Variants in EYS observed in about 807,000 individuals in gnomAD.
EYS encodes protein eyes shut homolog.
A neutral mutation model predicts 282.1 loss-of-function variants in EYS; 250 were observed. The ratio of observed to expected loss-of-function variants is 0.89; its 90% CI spans 0.80 to 0.98. The LOEUF (loss-of-function observed/expected upper bound fraction) is 0.98. Ranked by LOEUF, EYS falls within the 50% of genes least tolerant of loss-of-function variation. The pLI is 0.00. For missense variants in EYS, 4,016 were observed against 3,709.0 expected, an observed-to-expected ratio of 1.08 and a Z score of -2.15; for synonymous variants, 1,355 against 1,282.9, an observed-to-expected ratio of 1.06 and a Z score of -1.20.
intron 5 of EYS, among the ~76,000 whole-genome samples, chr6:65,437,487 T>C (rs1281971888): frequency 3.3e-5 from 5 of 152,158 alleles, no homozygotes. Context: ...GCCACAATTA[T>C]AATGGGAAAT....
intron 30 of EYS, among the ~76,000 whole-genome samples, chr6:64,280,338 T>C (rs1449482292): frequency 1.3e-5 from 2 of 152,110 alleles, no homozygotes; most frequent in Non-Finnish European, 2.9e-5. Flanking sequence ...TGACTTAACC[T>C]CACCTAGATA....
At chr6:64,862,810 T>C (rs1390225914) in intron 19 of EYS, among the ~76,000 whole-genome samples, 1 of 152,150 alleles carries the variant, frequency 6.6e-6, no homozygotes, top group African/African-American at 2.4e-5. Flanking sequence ...ATTTACATTG[T>C]TTCTGATAAG....
Position 63,984,488 on chromosome 6 carries a change from T to C in EYS, c.6950A>G (p.Lys2317Arg). The change falls in exon 35 of 43, where the codon AAA becomes AGA. Residue 2317 changes from lysine to arginine, a missense_variant. Coordinates refer to ENST00000503581, the MANE Select transcript of EYS (RefSeq NM_001142800.2). ...GCILDLQVNN[K>R]EFFIIDEARH... ...TGCTTCATCGATGATGAAGAATTCT[T>C]TGTTGTTTACTTGAAGGTCTAGAAT... 6.5e-7 allele frequency: 1 copy of C among 1,549,788 alleles called. No individual in the cohort carries two copies.
At chr6:64,332,662 A>G (rs1770691107) in intron 29 of EYS, among the ~76,000 whole-genome samples, 1 of 152,106 alleles carries the variant, frequency 6.6e-6, no homozygotes, top group South Asian at 2.1e-4. Context: ...ACTACTGACA[A>G]GGGCAACTGC....
chr6:65,070,428 C>T (rs1203174242), intron 12 of EYS, among the ~76,000 whole-genome samples: 2 of 151,882 alleles, frequency 1.3e-5, no homozygotes, highest in Non-Finnish European at 2.9e-5. Flanking sequence ...TTAGCAGTCA[C>T]TCACATGCAC....
intron 12 of EYS, among the ~76,000 whole-genome samples, chr6:65,214,158 CAAAAAAAAAAAAA>C (rs58213904): frequency 3.4e-5 from 1 of 29,242 alleles, no homozygotes; most frequent in African/African-American, 1.5e-4. Flanking sequence ...GACTCCGTCT[CAAAAAAAAAAAAA>C]AAAAAAAAAA....
At chr6:65,210,511 T>A (rs945518299) in intron 12 of EYS, among the ~76,000 whole-genome samples, 1 of 152,002 alleles carries the variant, frequency 6.6e-6, no homozygotes, top group Non-Finnish European at 1.5e-5. Flanking sequence ...TTTCAAACAA[T>A]TAAAACAAAG....
intron 2 of EYS, among the ~76,000 whole-genome samples, chr6:65,521,083 T>A (rs868090975): frequency 6.6e-6 from 1 of 152,194 alleles, no homozygotes. Context: ...TTTATATGGA[T>A]GCATTTGCTG....
intron 36 of EYS, among the ~76,000 whole-genome samples, chr6:63,850,141 G>A (rs1772207989): frequency 6.6e-6 from 1 of 152,082 alleles, no homozygotes; most frequent in Non-Finnish European, 1.5e-5. Flanking sequence ...AGAATGAAAA[G>A]GAACAAACAG....
chr6:65,166,315 C>T (rs1764970383), intron 12 of EYS, among the ~76,000 whole-genome samples: 1 of 151,072 alleles, frequency 6.6e-6, no homozygotes, highest in South Asian at 2.1e-4. Context: ...GGAAGACTTG[C>T]ACTTTGTATT....
At chr6:65,009,992 A>G (rs185268803) in intron 13 of EYS, among the ~76,000 whole-genome samples, 76 of 152,342 alleles carry the variant, frequency 5.0e-4, no homozygotes, top group African/African-American at 1.8e-3. Flanking sequence ...AATTAAGGAA[A>G]CTCAGAAATC....
intron 22 of EYS, among the ~76,000 whole-genome samples, chr6:64,650,421 T>C (rs2149877875): frequency 6.6e-6 from 1 of 152,102 alleles, no homozygotes; most frequent in East Asian, 1.9e-4. Flanking sequence ...TTAGCCAGTG[T>C]GACTAAAAAC....
intron 37 of EYS, among the ~76,000 whole-genome samples, chr6:63,802,128 GT>G (rs572200438): frequency 4.0e-4 from 61 of 152,260 alleles, no homozygotes; most frequent in African/African-American, 1.4e-3. Context: ...ATAACGATAT[GT>G]TTTAAAAGAC....
intron 33 of EYS, among the ~76,000 whole-genome samples, chr6:64,048,692 A>AT (rs36035102): frequency 4.2e-4 from 63 of 150,690 alleles, no homozygotes; most frequent in African/African-American, 1.3e-3. Flanking sequence ...TCATCTAGTC[A>AT]TTTTTTTTTG....
intron 34 of EYS, among the ~76,000 whole-genome samples, chr6:63,987,518 T>A (rs1767423523): frequency 6.6e-6 from 1 of 151,684 alleles, no homozygotes. Flanking sequence ...GTACATAAAA[T>A]GCAGACCTTC....
At chr6:65,526,093 G>A (rs1582415556) in intron 2 of EYS, among the ~76,000 whole-genome samples, 1 of 152,138 alleles carries the variant, frequency 6.6e-6, no homozygotes, top group East Asian at 1.9e-4. Context: ...ACTTAGTGAA[G>A]GGTATCACAT....
chr6:65,406,167 C>G (rs1766729616), intron 5 of EYS, among the ~76,000 whole-genome samples: 3 of 152,018 alleles, frequency 2.0e-5, no homozygotes, highest in Non-Finnish European at 4.4e-5. Flanking sequence ...TCACTAATGA[C>G]TAATTATTTT....
intron 12 of EYS, among the ~76,000 whole-genome samples, chr6:65,252,442 T>A (rs933098691): frequency 6.6e-6 from 1 of 151,956 alleles, no homozygotes; most frequent in Admixed American, 6.6e-5. Context: ...AGGGAAGACA[T>A]TGGAATTTGT....
At chr6:64,214,698 TTA>T (rs1174305167) in intron 31 of EYS, among the ~76,000 whole-genome samples, 1 of 151,974 alleles carries the variant, frequency 6.6e-6, no homozygotes, top group East Asian at 1.9e-4. Flanking sequence ...TGACTAAATA[TTA>T]TATATAATAA....
Sources: gnomAD v4.1 joint callset for allele counts (sites outside exome capture counted in the v4.1 genomes callset) on GRCh38, gnomAD v4.1.1 for gene constraint, MANE v1.5 for transcripts, NCBI Gene and HGNC (gene_info 2026-07-23, HGNC 2026-07-21) for gene names.